STXBP5L: variants seen among roughly 807,000 people sequenced by gnomAD.
STXBP5L encodes the protein syntaxin-binding protein 5-like.
A neutral mutation model predicts 144.5 loss-of-function variants in STXBP5L; 65 were observed. The ratio of observed to expected loss-of-function variants is 0.45; its 90% confidence interval spans 0.37 to 0.55. The LOEUF is 0.55. Ranked by LOEUF, STXBP5L falls within the 20% of genes least tolerant of loss-of-function variation. STXBP5L has a pLI of 0.00. For missense variants in STXBP5L, 1,298 were observed against 1,405.5 expected (o/e 0.92, Z 1.22); for synonymous variants, 505 against 469.6 (o/e 1.08, Z -0.97).
At chr3:121,026,057 A>T (rs535058576) in intron 3 of STXBP5L, among the ~76,000 whole-genome samples, 1 of 147,666 alleles carries the variant, frequency 6.8e-6, no homozygotes, top group East Asian at 1.9e-4. Flanking sequence ...TAATTAAATT[A>T]TATTATAATT....
At chr3:121,066,360 G>A (rs1251084002) in intron 5 of STXBP5L, among the ~76,000 whole-genome samples, 4 of 107,722 alleles carry the variant, frequency 3.7e-5, no homozygotes, top group Non-Finnish European at 5.6e-5. Context: ...TTTCCTATAA[G>A]CGTATATATA....
chr3:121,209,852 C>T (rs892716450), intron 10 of STXBP5L, among the ~76,000 whole-genome samples: 4 of 152,078 alleles, frequency 2.6e-5, no homozygotes, highest in Non-Finnish European at 4.4e-5. Flanking sequence ...TTTGGGTTGG[C>T]TCCAAGTCTT....
intron 11 of STXBP5L, 126 bp downstream of exon 11, chr3:121,223,283 G>A (rs115259083): frequency 0.02 from 19,276 of 957,178 alleles, 268 homozygotes; most frequent in South Asian, 0.045. Context: ...ACAAGTGCTG[G>A]AACAGGTTCT....
At chr3:121,399,485 G>A (rs948533879) in intron 22 of STXBP5L, among the ~76,000 whole-genome samples, 2 of 152,194 alleles carry the variant, frequency 1.3e-5, no homozygotes, top group African/African-American at 4.8e-5. Context: ...AGCCTTCAGA[G>A]CTGAGAGCCC....
At position 121,240,937 on chromosome 3, in the gene STXBP5L, T is replaced by C. The variant is rs573605415; in HGVS notation, c.1400+430T>C. ...TTTGTATGACAACCCACTTGATGTT[T>C]TAATATTAGGAACAAAAATAGAGAC... On this transcript the variant is annotated intron_variant, in intron 14 of 26. Coordinates refer to ENST00000471454, the MANE Select transcript of STXBP5L (RefSeq NM_001308330.2). Among the ~76,000 whole-genome samples, 18 of 152,316 alleles carry C rather than the reference T, an allele frequency of 1.2e-4. No individual in the cohort carries two copies. The East Asian group carries it at 3.3e-3, about 28-fold the overall frequency.
intron 20 of STXBP5L, among the ~76,000 whole-genome samples, chr3:121,354,583 G>A (rs574010461): frequency 8.2e-6 from 1 of 121,942 alleles, no homozygotes; most frequent in Non-Finnish European, 1.7e-5. Flanking sequence ...TAGCTTATGT[G>A]TGTCTTTGCA....
At chr3:121,162,563 G>C (rs1183416550) in intron 9 of STXBP5L, among the ~76,000 whole-genome samples, 1 of 152,104 alleles carries the variant, frequency 6.6e-6, no homozygotes, top group African/African-American at 2.4e-5. Context: ...AGGCAAAATT[G>C]ACAAATGGGA....
intron 4 of STXBP5L, among the ~76,000 whole-genome samples, chr3:121,045,163 A>T (rs534146563): frequency 1.3e-5 from 2 of 152,250 alleles, no homozygotes; most frequent in African/African-American, 4.8e-5. Flanking sequence ...TGGCCATAAC[A>T]GTGCTATAAT....
chr3:121,286,115 A>G (rs1186568296), intron 19 of STXBP5L, among the ~76,000 whole-genome samples: 1 of 152,194 alleles, frequency 6.6e-6, no homozygotes, highest in South Asian at 2.1e-4. Flanking sequence ...AATTGTCTAC[A>G]TTGCTTGTGC....
chr3:120,953,857 G>A (rs1467548419), intron 2 of STXBP5L, among the ~76,000 whole-genome samples: 1 of 152,022 alleles, frequency 6.6e-6, no homozygotes, highest in East Asian at 1.9e-4. Flanking sequence ...ATTGAATAGA[G>A]GTGGATAGAG....
chr3:121,331,622 C>CT (rs1252647326), intron 20 of STXBP5L, among the ~76,000 whole-genome samples: 1 of 152,164 alleles, frequency 6.6e-6, no homozygotes, highest in Non-Finnish European at 1.5e-5. Context: ...TCCCTTCCTC[C>CT]TGAAAAGACC....
intron 11 of STXBP5L, among the ~76,000 whole-genome samples, chr3:121,231,172 G>A (rs1034390064): frequency 6.6e-6 from 1 of 152,142 alleles, no homozygotes; most frequent in Non-Finnish European, 1.5e-5. Context: ...GGCCATTTTG[G>A]CCAGCAGTGG....
intron 9 of STXBP5L, among the ~76,000 whole-genome samples, chr3:121,192,607 C>A (rs1436342164): frequency 2.6e-5 from 4 of 152,282 alleles, no homozygotes; most frequent in Admixed American, 2.6e-4. Flanking sequence ...CAGCATGGTA[C>A]TGGTACCAAA....
chr3:121,041,643 G>A (rs1352904868), intron 3 of STXBP5L, 57 bp from the exon 4 acceptor site: 15 of 1,265,494 alleles, frequency 1.2e-5, no homozygotes, highest in Non-Finnish European at 1.7e-5. Flanking sequence ...TAGTTTCTTT[G>A]CTCATTAATA....
At chr3:121,378,275 A>T (rs969291285) in intron 20 of STXBP5L, among the ~76,000 whole-genome samples, 1 of 152,230 alleles carries the variant, frequency 6.6e-6, no homozygotes, top group Non-Finnish European at 1.5e-5. Flanking sequence ...ACCATGGTGC[A>T]TGTATACCTA....
intron 7 of STXBP5L, among the ~76,000 whole-genome samples, chr3:121,129,340 C>T (rs2044862245): frequency 6.6e-6 from 1 of 150,862 alleles, no homozygotes; most frequent in African/African-American, 2.4e-5. Context: ...GAAGGAACTG[C>T]AGAGATTATT....
At chr3:121,093,987 G>A (rs918386740) in intron 5 of STXBP5L, among the ~76,000 whole-genome samples, 2 of 152,072 alleles carry the variant, frequency 1.3e-5, no homozygotes, top group Non-Finnish European at 2.9e-5. Flanking sequence ...GTTCTCGTTG[G>A]TTTCAAAGAA....
intron 20 of STXBP5L, among the ~76,000 whole-genome samples, chr3:121,341,191 T>C (rs1194111854): frequency 6.6e-6 from 1 of 152,122 alleles, no homozygotes; most frequent in Admixed American, 6.6e-5. Context: ...GATTTTAAAA[T>C]GGGCAAAAAA....
At chr3:121,049,922 C>T (rs1049583714) in intron 5 of STXBP5L, among the ~76,000 whole-genome samples, 1 of 152,112 alleles carries the variant, frequency 6.6e-6, no homozygotes, top group Admixed American at 6.6e-5. Context: ...TTGCAGGGAT[C>T]ATGAGAAATC....
Sources: gnomAD v4.1 joint callset for allele counts (sites outside exome capture counted in the v4.1 genomes callset) on GRCh38, gnomAD v4.1.1 for gene constraint, MANE v1.5 for transcripts, NCBI Gene and HGNC (gene_info 2026-07-23, HGNC 2026-07-21) for gene names.